Variants in ZPBP observed in about 807,000 individuals in gnomAD.
ZPBP encodes zona pellucida binding protein.
Under a neutral mutation model 44.8 loss-of-function variants are expected in ZPBP, and 26 were observed. The observed-to-expected ratio is 0.58, with a 90% CI of 0.43 to 0.81. The LOEUF is 0.81. Ranked by LOEUF, ZPBP falls within the 30% of genes least tolerant of loss-of-function variation. The probability of loss-of-function intolerance (pLI) is 0.00; values close to 1 mark genes in which losing one functional copy is unlikely to be tolerated. For synonymous variants in ZPBP, 174 were observed against 153.2 expected (o/e 1.14, Z -1.00); for missense variants, 409 against 434.0 (o/e 0.94, Z 0.51).
chr7:49,933,083 T>C (rs1373036719), downstream of ZPBP, among the ~76,000 whole-genome samples: 1 of 152,170 alleles, frequency 6.6e-6, no homozygotes, highest in Non-Finnish European at 1.5e-5. Context: ...TTATAGTTTT[T>C]TTGCTGAAAT....
At chr7:49,911,164 G>A (rs911835546) in intron 1 of ZPBP, among the ~76,000 whole-genome samples, 1 of 152,142 alleles carries the variant, frequency 6.6e-6, no homozygotes, top group African/African-American at 2.4e-5. Flanking sequence ...AAAAGTTAAT[G>A]AAAGTCACAG....
chr7:50,083,928 G>A (rs1802499274), intron 2 of ZPBP, among the ~76,000 whole-genome samples: 1 of 151,850 alleles, frequency 6.6e-6, no homozygotes, highest in South Asian at 2.1e-4. Flanking sequence ...AATGCAAAAA[G>A]CACAAATATA....
intron 2 of ZPBP, among the ~76,000 whole-genome samples, chr7:49,892,004 A>G (rs113640361): frequency 0.086 from 12,918 of 150,648 alleles, 624 homozygotes; most frequent in Non-Finnish European, 0.1. Context: ...AACCAAAAGA[A>G]TGCAGTTGGC....
intron 6 of ZPBP, among the ~76,000 whole-genome samples, chr7:50,013,660 T>C (rs1282225382): frequency 1.3e-5 from 2 of 152,108 alleles, no homozygotes; most frequent in East Asian, 3.8e-4. Flanking sequence ...AATCTTTTTT[T>C]AATATTAGGG....
Position 50,090,181 on chromosome 7 carries a change from T to C in ZPBP, c.128-472A>G, listed in dbSNP as rs147447013. ...ATTCTTTAGTAAGGATTTTTGAGAT[T>C]TTGGTATACCCATCACATAATAAAC... On this transcript the variant is annotated intron_variant, in intron 1 of 7. Coordinates refer to ENST00000046087, the MANE Select transcript of ZPBP (RefSeq NM_007009.3). Among the ~76,000 whole-genome samples the C allele has an allele frequency of 1.9e-3, 291 of 152,202 alleles. 1 individual carries two copies. The highest frequency in any genetic ancestry group is 3.2e-3 in the Non-Finnish European group (216 of 68,008).
chr7:49,852,416 C>T lies in ZPBP; in HGVS notation n.510-1902G>A, dbSNP rs186387021. On this transcript the variant is annotated intron_variant and non_coding_transcript_variant, in intron 2 of 2. Transcript: ENST00000465922. ...TCACTCATCTCCTTAACAAGGTGAC[C>T]GGTGCTGTTTTGCACTTGCTAGAAA... 6.6e-5 allele frequency among the ~76,000 whole-genome samples: 10 copies of T among 152,332 alleles called. No individual in the cohort carries two copies. In the East Asian group the frequency reaches 1.2e-3, roughly 18 times the overall value.
chr7:49,903,692 A>C (rs1017886678), intron 1 of ZPBP, among the ~76,000 whole-genome samples: 6 of 152,202 alleles, frequency 3.9e-5, no homozygotes, highest in Admixed American at 2.6e-4. Context: ...ACATAGACGT[A>C]TATGCACATA....
chr7:49,856,893 C>T (rs1029372907), intron 2 of ZPBP, among the ~76,000 whole-genome samples: 1 of 151,550 alleles, frequency 6.6e-6, no homozygotes, highest in Non-Finnish European at 1.5e-5. Context: ...CCTGTAGTCC[C>T]AGCTACTCGG....
chr7:49,846,727 C>G (rs1325391032), downstream of ZPBP, among the ~76,000 whole-genome samples: 1 of 152,116 alleles, frequency 6.6e-6, no homozygotes, highest in African/African-American at 2.4e-5. Flanking sequence ...TGCTTAACTC[C>G]CTGAGCTCCA....
chr7:50,081,184 T>A (rs17133674), intron 3 of ZPBP, among the ~76,000 whole-genome samples: 7,135 of 151,608 alleles, frequency 0.047, 189 homozygotes, highest in African/African-American at 0.067. Flanking sequence ...ACAGGCACGA[T>A]CTCAAAATAG....
chr7:50,062,774 T>C (rs1177030747), intron 3 of ZPBP, among the ~76,000 whole-genome samples: 1 of 152,102 alleles, frequency 6.6e-6, no homozygotes, highest in Non-Finnish European at 1.5e-5. Context: ...AGTTAACAAC[T>C]ATCCATTAAA....
Position 49,891,835 on chromosome 7 carries a change from T to C in ZPBP, n.509+9283A>G, listed in dbSNP as rs73336262. Among the ~76,000 whole-genome samples, 923 of 152,282 alleles carry C rather than the reference T, an allele frequency of 6.1e-3. 10 individuals carry two copies. Among genetic ancestry groups the C allele is most frequent in the African/African-American group, 0.021 (883 of 41,552 alleles). On this transcript the variant is annotated intron_variant and non_coding_transcript_variant, in intron 2 of 2. Transcript: ENST00000465922. ...ATGTTTTACTTCATAATAGGTCCTT[T>C]TAATAGCTACCACTATAGTACTCTA...
At chr7:50,069,244 G>A (rs1175903330) in intron 3 of ZPBP, among the ~76,000 whole-genome samples, 1 of 152,152 alleles carries the variant, frequency 6.6e-6, no homozygotes, top group Non-Finnish European at 1.5e-5. Context: ...ATTCCCTACT[G>A]TGGTTCTTGC....
At chr7:49,876,870 G>A (rs946273443) in intron 2 of ZPBP, among the ~76,000 whole-genome samples, 12 of 151,892 alleles carry the variant, frequency 7.9e-5, no homozygotes, top group African/African-American at 2.4e-4. Flanking sequence ...ACAACGCACC[G>A]AGATGACTTA....
chr7:50,082,091 G>A (rs979857138), intron 2 of ZPBP, among the ~76,000 whole-genome samples, 192 bp from the exon 3 acceptor site: 12 of 151,902 alleles, frequency 7.9e-5, no homozygotes, highest in Middle Eastern at 3.4e-3. Context: ...GTATTTGTAT[G>A]TATATATGTG....
intron 4 of ZPBP, among the ~76,000 whole-genome samples, chr7:50,047,800 C>T (rs564178445): frequency 9.2e-5 from 14 of 152,092 alleles, no homozygotes; most frequent in Non-Finnish European, 1.8e-4. Context: ...CACAGCTTTC[C>T]TGAATGTATG....
chr7:49,855,285 GT>G (rs1337376120), intron 2 of ZPBP, among the ~76,000 whole-genome samples: 1 of 152,180 alleles, frequency 6.6e-6, no homozygotes, highest in Non-Finnish European at 1.5e-5. Flanking sequence ...TATGGACGGT[GT>G]AGTCTCTTTC....
intron 3 of ZPBP, among the ~76,000 whole-genome samples, chr7:50,072,792 TAAAACA>T (rs1801911880): frequency 6.6e-6 from 1 of 152,252 alleles, no homozygotes; most frequent in South Asian, 2.1e-4. Context: ...AGGTGTCTCC[TAAAACA>T]GACACAATTT....
At chr7:50,047,061 T>C (rs935036250) in intron 4 of ZPBP, among the ~76,000 whole-genome samples, 1 of 151,992 alleles carries the variant, frequency 6.6e-6, no homozygotes, top group East Asian at 1.9e-4. Context: ...AACCAAACAC[T>C]GCATGTTCTC....
Sources: allele counts gnomAD v4.1 joint callset (sites outside exome capture counted in the v4.1 genomes callset), GRCh38; gene constraint gnomAD v4.1.1; transcripts MANE v1.5; gene names NCBI Gene and HGNC (gene_info 2026-07-23, HGNC 2026-07-21).